The following WDR47 variants were observed in gnomAD, a reference collection of about 807,000 sequenced individuals.
WDR47 encodes WD repeat domain 47, also known as WD repeat-containing protein 47.
WDR47 carries 32 observed loss-of-function variants against 97.2 expected under a neutral mutation model. The ratio of observed to expected loss-of-function variants is 0.33; its 90% confidence interval spans 0.25 to 0.44. The LOEUF is 0.44. WDR47 is among the 20% of genes least tolerant of loss of function. The pLI, the probability that WDR47 is intolerant of heterozygous loss-of-function variation, is 1.00. For synonymous variants in WDR47, 375 were observed against 373.5 expected, an observed-to-expected ratio of 1.00 and a Z score of -0.05; for missense variants, 782 against 1,102.3, an observed-to-expected ratio of 0.71 and a Z score of 4.11.
chr1:108,972,947 GA>G (rs10712683), intron 14 of WDR47, among the ~76,000 whole-genome samples: 53,453 of 116,040 alleles, frequency 0.46, 10,830 homozygotes, highest in East Asian at 0.65. Context: ...CTCTGTCTCA[GA>G]AAAAAAAAAA....
chr1:109,013,701 C>T lies in WDR47; in HGVS notation c.327+140G>A, dbSNP rs1571219956. The T allele has an allele frequency of 6.3e-6, 5 of 789,570 alleles. No homozygotes were observed. In the East Asian group the frequency reaches 1.3e-4, roughly 20 times the overall value. 48.9% of individuals were successfully genotyped at this position (789,570 alleles called of 1,614,324 possible). A position where few individuals can be genotyped will look rare whatever the true frequency, so the allele number is the denominator to read the frequency against. ...GCGCTACAGAATGAAAATACTACACCTGGAAAACACCAGATCTTGCCCCAT... is the reference window on the plus strand; with the variant it reads ...GCGCTACAGAATGAAAATACTACACTTGGAAAACACCAGATCTTGCCCCAT... On this transcript the variant is annotated intron_variant, in intron 4 of 14. Coordinates refer to ENST00000369962, the MANE Select transcript of WDR47 (RefSeq NM_001142551.2).
intron 1 of WDR47, among the ~76,000 whole-genome samples, chr1:109,039,001 T>TA (rs1663153761): frequency 6.6e-6 from 1 of 151,684 alleles, no homozygotes; most frequent in African/African-American, 2.4e-5. Flanking sequence ...TAATAATAAA[T>TA]AAATAAATAA....
At chr1:109,034,531 T>C (rs1027778084) in intron 1 of WDR47, among the ~76,000 whole-genome samples, 1 of 152,192 alleles carries the variant, frequency 6.6e-6, no homozygotes, top group African/African-American at 2.4e-5. Flanking sequence ...TGTTAGGAAC[T>C]GAGCTGCACA....
intron 5 of WDR47, among the ~76,000 whole-genome samples, chr1:109,007,870 G>A (rs955512428): frequency 1.3e-5 from 2 of 152,128 alleles, no homozygotes; most frequent in East Asian, 1.9e-4. Context: ...TTGGGAGGCC[G>A]AGGTGGGCAG....
In WDR47 at chr1:108,985,917, A is replaced by G. The variant is rs1360474881; in HGVS notation, c.1925+606T>C. ...GGACCTTATTATATTCCCTTTCCCA[A>G]TCATTAAATGCTACCACAGTCCAAA... is the stretch of plus-strand genomic sequence containing the variant. On this transcript the variant is annotated intron_variant, in intron 10 of 14. Coordinates refer to ENST00000369962, the MANE Select transcript of WDR47 (RefSeq NM_001142551.2). Among the ~76,000 whole-genome samples, 4 of 151,656 alleles carry G rather than the reference A, an allele frequency of 2.6e-5. No individual in the cohort carries two copies. The East Asian group carries it at 7.7e-4, about 29-fold the overall frequency.
chr1:109,010,239 A>G (rs1660937779), intron 5 of WDR47, among the ~76,000 whole-genome samples: 1 of 152,114 alleles, frequency 6.6e-6, no homozygotes, highest in African/African-American at 2.4e-5. Context: ...CTAACTTTCA[A>G]CTAAAAGGAC....
chr1:108,993,240 A>T (rs1659497952), intron 8 of WDR47, among the ~76,000 whole-genome samples: 1 of 151,746 alleles, frequency 6.6e-6, no homozygotes. Flanking sequence ...CACAAGAATC[A>T]CTTGAACCCA....
In WDR47 at chr1:108,981,241, TGTGTGTGTGTGTGC is replaced by T. The variant is rs1658321469; in HGVS notation, c.2398+478_2398+491del. 5.3e-5 allele frequency among the ~76,000 whole-genome samples: 8 copies of T among 152,052 alleles called. No homozygotes were observed. The South Asian group carries it at 1.7e-3, about 32-fold the overall frequency. On this transcript the variant is annotated intron_variant, in intron 13 of 14. Coordinates refer to ENST00000369962, the MANE Select transcript of WDR47 (RefSeq NM_001142551.2). ...TTTGTAATGCATGCTACCATTTGTG[TGTGTGTGTGTGTGC>T]GTGTGTGTGTATTTGTGTTTACAGG...
chr1:109,010,817 T>C (rs1660986044), intron 5 of WDR47, 99 bp downstream of exon 5: 1 of 1,170,118 alleles, frequency 8.5e-7, no homozygotes, highest in South Asian at 1.5e-5. Flanking sequence ...CTCCTGACCT[T>C]GTGATCCACC....
chr1:109,033,092 A>C (rs1662711516), intron 1 of WDR47, among the ~76,000 whole-genome samples: 1 of 151,828 alleles, frequency 6.6e-6, no homozygotes, highest in Admixed American at 6.6e-5. Flanking sequence ...TCAGGAGTTC[A>C]AGACCAGCCT....
At chr1:109,001,596 A>C (rs558762262) in intron 7 of WDR47, among the ~76,000 whole-genome samples, 2 of 152,318 alleles carry the variant, frequency 1.3e-5, no homozygotes, top group East Asian at 3.9e-4. Context: ...AGAAGAAATA[A>C]GAAGTAGATA....
At chr1:108,986,913 T>C (rs1024481624) in intron 9 of WDR47, 10 of 364,152 alleles carry the variant, frequency 2.7e-5, no homozygotes, top group African/African-American at 2.1e-4. Context: ...AAATCTTATT[T>C]TGGAGAGTTA....
chr1:109,012,426 A>G (rs894835648), intron 4 of WDR47, among the ~76,000 whole-genome samples: 1 of 151,990 alleles, frequency 6.6e-6, no homozygotes, highest in African/African-American at 2.4e-5. Flanking sequence ...ACAAAAAATT[A>G]GCCAGGCACA....
At chr1:109,021,231 T>C (rs986355872) in intron 2 of WDR47, among the ~76,000 whole-genome samples, 5 of 152,118 alleles carry the variant, frequency 3.3e-5, no homozygotes, top group African/African-American at 1.2e-4. Flanking sequence ...TAATCCAATA[T>C]ATAGAAAAAG....
intron 1 of WDR47, chr1:109,024,746 C>G (rs1032493810): frequency 6.6e-6 from 1 of 152,378 alleles, no homozygotes; most frequent in African/African-American, 2.4e-5. Context: ...GGAGTAGCCA[C>G]AAAGAAACTT....
intron 12 of WDR47, among the ~76,000 whole-genome samples, 175 bp downstream of exon 12, chr1:108,982,434 G>T (rs1658411774): frequency 6.6e-6 from 1 of 152,064 alleles, no homozygotes; most frequent in African/African-American, 2.4e-5. Flanking sequence ...TCAGGAGGCT[G>T]GGTGGGAGGA....
At chr1:108,984,532 T>C (rs1398795408) in intron 10 of WDR47, among the ~76,000 whole-genome samples, 5 of 152,144 alleles carry the variant, frequency 3.3e-5, no homozygotes, top group African/African-American at 7.2e-5. Context: ...AATTAAGAAA[T>C]GTTTAAAAAA....
intron 1 of WDR47, among the ~76,000 whole-genome samples, chr1:109,038,582 G>T (rs1663120730): frequency 7.4e-6 from 1 of 135,446 alleles, no homozygotes; most frequent in Non-Finnish European, 1.7e-5. Flanking sequence ...GGGAGGCTGA[G>T]GTAGGAGGAT....
chr1:109,002,446 G>A (rs1471794395), intron 6 of WDR47, 44 bp from the exon 7 acceptor site: 1 of 1,415,708 alleles, frequency 7.1e-7, no homozygotes, highest in Non-Finnish European at 9.5e-7. Flanking sequence ...AGCAAACTAT[G>A]ACAGAATATA....
Sources: allele counts gnomAD v4.1 joint callset (sites outside exome capture counted in the v4.1 genomes callset), GRCh38; gene constraint gnomAD v4.1.1; transcripts MANE v1.5; gene names NCBI Gene and HGNC (gene_info 2026-07-23, HGNC 2026-07-21).